The following ESR1 variants were observed in gnomAD, a reference collection of about 807,000 sequenced individuals.
ESR1 encodes the protein estrogen receptor 1.
In ESR1, 12 loss-of-function variants were observed where a neutral mutation model predicts 52.7. The ratio of observed to expected loss-of-function variants is 0.23; its 90% CI spans 0.15 to 0.37. The LOEUF is 0.37. ESR1 is among the 10% of genes least tolerant of loss of function. The pLI is 1.00. For missense variants in ESR1, 584 were observed against 779.7 expected (o/e 0.75, Z 2.99); for synonymous variants, 305 against 316.8 (o/e 0.96, Z 0.39).
chr6:152,030,810 T>G (rs1056289850), intron 5 of ESR1, among the ~76,000 whole-genome samples: 1 of 152,102 alleles, frequency 6.6e-6, no homozygotes, highest in African/African-American at 2.4e-5. Context: ...TACAGAACTC[T>G]CCACCCCAAA....
chr6:151,980,958 TC>T (rs1342545948), intron 4 of ESR1, among the ~76,000 whole-genome samples: 4 of 152,212 alleles, frequency 2.6e-5, no homozygotes, highest in African/African-American at 9.6e-5. Context: ...CGTTTTGGCC[TC>T]TCAAAGTGCT....
chr6:151,695,270 A>G (rs1779252217), intron 1 of ESR1, among the ~76,000 whole-genome samples: 2 of 152,114 alleles, frequency 1.3e-5, no homozygotes, highest in South Asian at 2.1e-4. Context: ...CCCACTCTCA[A>G]TTTTTTGGGT....
At chr6:152,013,497 A>G (rs142336834) in intron 5 of ESR1, among the ~76,000 whole-genome samples, 39 of 152,280 alleles carry the variant, frequency 2.6e-4, no homozygotes, top group African/African-American at 8.9e-4. Context: ...ATGCAGATTC[A>G]TAGGGTACAC....
At chr6:151,828,924 T>C (rs1332978952) in intron 1 of ESR1, among the ~76,000 whole-genome samples, 1 of 152,104 alleles carries the variant, frequency 6.6e-6, no homozygotes, top group East Asian at 1.9e-4. Flanking sequence ...GATAGGGTGC[T>C]CTTTGACCTC....
chr6:152,058,550 C>T (rs1401729480), intron 5 of ESR1, among the ~76,000 whole-genome samples: 1 of 152,208 alleles, frequency 6.6e-6, no homozygotes, highest in Admixed American at 6.5e-5. Flanking sequence ...TAAAAAACCT[C>T]ATTTCACTTT....
At chr6:151,747,249 G>T (rs1335761367) in intron 2 of ESR1, among the ~76,000 whole-genome samples, 2 of 152,304 alleles carry the variant, frequency 1.3e-5, no homozygotes, top group African/African-American at 4.8e-5. Flanking sequence ...GGAACACTGG[G>T]AGATTCAGTG....
At chr6:152,025,577 G>T (rs879635702) in intron 5 of ESR1, among the ~76,000 whole-genome samples, 7 of 151,766 alleles carry the variant, frequency 4.6e-5, no homozygotes, top group Admixed American at 6.6e-5. Flanking sequence ...CTGGTTTGAT[G>T]GTTACTTTGA....
At chr6:151,723,873 AAAAC>A (rs780786988) in intron 2 of ESR1, among the ~76,000 whole-genome samples, 7 of 152,136 alleles carry the variant, frequency 4.6e-5, no homozygotes, top group Non-Finnish European at 8.8e-5. Flanking sequence ...CCATCGTGGG[AAAAC>A]AAACAAACAA....
chr6:151,728,454 T>TG (rs1180842482), intron 2 of ESR1, among the ~76,000 whole-genome samples: 1 of 152,222 alleles, frequency 6.6e-6, no homozygotes, highest in Non-Finnish European at 1.5e-5. Flanking sequence ...AGTCTAGTGT[T>TG]GTAGCTTGAT....
rs568021479 is a variant in ESR1, at chr6:152,111,686, G to T, written c.851-13580G>T. Among the ~76,000 whole-genome samples the T allele has an allele frequency of 5.9e-5, 9 of 152,292 alleles. No homozygotes were observed. In the South Asian group the frequency reaches 8.3e-4, roughly 14 times the overall value. ...CAATACCCAGGGCCCCAGACCACAG[G>T]CTGGAAGGGAGGGGAGAAGGGCAGA... On this transcript the variant is annotated intron_variant, in intron 6 of 6. Coordinates refer to the ESR1 transcript ENST00000427531.
chr6:151,794,437 A>G (rs2128135212), intron 2 of ESR1, among the ~76,000 whole-genome samples: 1 of 152,340 alleles, frequency 6.6e-6, no homozygotes, highest in Non-Finnish European at 1.5e-5. Flanking sequence ...AGTTCCAAGC[A>G]TTTTAGCAAT....
In ESR1 at chr6:152,094,300, AT is replaced by A. The variant is rs529899766; in HGVS notation, c.1370-83del. ...CTGTGCTGAGGAAGGGCACTGGCTC[AT>A]TGTTACATCCCATGAACACTCTGGG... On this transcript the variant is annotated intron_variant, in intron 6 of 7. Transcript: ENST00000206249. The surrounding 1 kb of genome is among the most constrained non-coding windows in gnomAD (Gnocchi z 4.6). 893 of 1,190,514 alleles carry A rather than the reference AT, an allele frequency of 7.5e-4. 15 individuals carry two copies. In the African/African-American group the frequency reaches 0.012, roughly 16 times the overall value. 73.7% of individuals were successfully genotyped at this position (1,190,514 alleles called of 1,614,324 possible).
intron 3 of ESR1, among the ~76,000 whole-genome samples, chr6:151,909,413 C>A (rs1236160559): frequency 6.6e-6 from 1 of 152,184 alleles, no homozygotes; most frequent in Non-Finnish European, 1.5e-5. Flanking sequence ...GGCCACAGGA[C>A]AGCAGAGGAT....
intron 3 of ESR1, among the ~76,000 whole-genome samples, chr6:151,885,033 G>T (rs901029786): frequency 6.6e-6 from 1 of 151,732 alleles, no homozygotes; most frequent in African/African-American, 2.4e-5. Context: ...GGGGGTGGGG[G>T]GTCTCTGTGT....
At chr6:151,700,147 A>G (rs1443088217) in intron 1 of ESR1, among the ~76,000 whole-genome samples, 1 of 151,698 alleles carries the variant, frequency 6.6e-6, no homozygotes, top group African/African-American at 2.4e-5. Context: ...AATCTCTGTT[A>G]TTATCTGTTA....
intron 5 of ESR1, among the ~76,000 whole-genome samples, chr6:152,044,627 T>A (rs2046078823): frequency 6.6e-6 from 1 of 152,100 alleles, no homozygotes; most frequent in South Asian, 2.1e-4. Flanking sequence ...CTGGTGTAGG[T>A]CTAAGAGTTC....
At chr6:151,880,594 T>C in intron 2 of ESR1, 61 bp from the exon 3 acceptor site, 2 of 1,012,412 alleles carry the variant, frequency 2.0e-6, no homozygotes, top group Non-Finnish European at 3.2e-6. Flanking sequence ...GGTTTCCCTG[T>C]AGATTCTGAC....
intron 6 of ESR1, chr6:152,122,370 T>C (rs1258976506): frequency 6.2e-7 from 1 of 1,612,364 alleles, no homozygotes; most frequent in Non-Finnish European, 8.5e-7. Flanking sequence ...TGTTGGTAGT[T>C]TGGGATTGCT....
At chr6:151,836,318 T>A (rs879610866) in intron 1 of ESR1, among the ~76,000 whole-genome samples, 1 of 152,178 alleles carries the variant, frequency 6.6e-6, no homozygotes, top group Non-Finnish European at 1.5e-5. Flanking sequence ...GCCACGTGGT[T>A]GGGGAGGCCT....
Sources: allele counts gnomAD v4.1 joint callset (sites outside exome capture counted in the v4.1 genomes callset), GRCh38; gene constraint gnomAD v4.1.1; non-coding constraint Gnocchi (gnomAD v3.1); transcripts MANE v1.5; gene names NCBI Gene and HGNC (gene_info 2026-07-23, HGNC 2026-07-21).